Variants in RIPOR3 observed in about 807,000 individuals in gnomAD.
RIPOR3 encodes the protein family with sequence similarity 65 member C.
RIPOR3 carries 95 observed loss-of-function variants against 114.3 expected under a neutral mutation model. That is an observed-to-expected ratio of 0.83 (90% CI 0.70 to 0.99). The LOEUF (loss-of-function observed/expected upper bound fraction) is 0.99, where lower values mean the gene tolerates loss of function less well. Among genes scored for constraint, RIPOR3 ranks in the 50% least tolerant of loss-of-function variants. The pLI, the probability that RIPOR3 is intolerant of heterozygous loss-of-function variation, is 0.00. For missense variants in RIPOR3, 1,252 were observed against 1,266.9 expected (o/e 0.99, Z 0.18); for synonymous variants, 575 against 543.8 (o/e 1.06, Z -0.80).
intron 1 of RIPOR3, among the ~76,000 whole-genome samples, chr20:50,659,369 G>A (rs564510198): frequency 2.8e-4 from 42 of 152,122 alleles, no homozygotes; most frequent in African/African-American, 7.0e-4. Context: ...AACCAGGGCC[G>A]GGTGCGGTGG....
At chr20:50,618,976 C>T (rs995494783) in intron 3 of RIPOR3, among the ~76,000 whole-genome samples, 2 of 152,120 alleles carry the variant, frequency 1.3e-5, no homozygotes, top group African/African-American at 2.4e-5. Context: ...TCTGGGAGGC[C>T]GAGATGGACA....
chr20:50,604,812 C>T, intron 11 of RIPOR3, 38 bp from the exon 12 acceptor site: 1 of 1,597,600 alleles, frequency 6.3e-7, no homozygotes, highest in Middle Eastern at 1.7e-4. Context: ...GCCATCGGCA[C>T]CCAGAGGCCA....
chr20:50,589,120 G>C (rs1215355300), intron 20 of RIPOR3, among the ~76,000 whole-genome samples: 1 of 134,244 alleles, frequency 7.4e-6, no homozygotes, highest in Non-Finnish European at 1.6e-5. Context: ...AAAAGCTAAA[G>C]TGCTGCCAGT....
chr20:50,607,315 G>A (rs2426168), intron 11 of RIPOR3, among the ~76,000 whole-genome samples: 2,266 of 152,298 alleles, frequency 0.015, 37 homozygotes, highest in East Asian at 0.034. Context: ...GAATCCAGGC[G>A]AGCGCATGGG....
At chr20:50,670,331 C>T (rs1017265276) in intron 1 of RIPOR3, among the ~76,000 whole-genome samples, 1 of 152,024 alleles carries the variant, frequency 6.6e-6, no homozygotes, top group Non-Finnish European at 1.5e-5. Flanking sequence ...TCCCTCTCCT[C>T]CTGGGAAGTC....
intron 2 of RIPOR3, among the ~76,000 whole-genome samples, chr20:50,624,399 A>G (rs1314787444): frequency 3.3e-5 from 5 of 152,068 alleles, no homozygotes; most frequent in Non-Finnish European, 5.9e-5. Context: ...CCAGCCCCCA[A>G]CAGGTGTGCA....
At chr20:50,594,353 G>GC (rs1228500509) in intron 17 of RIPOR3, among the ~76,000 whole-genome samples, 200 bp downstream of exon 17, 1 of 151,858 alleles carries the variant, frequency 6.6e-6, no homozygotes, top group African/African-American at 2.4e-5. Flanking sequence ...TGCTCAGAAG[G>GC]CCCCACGTGG....
intron 1 of RIPOR3, among the ~76,000 whole-genome samples, chr20:50,686,577 C>T (rs894229898): frequency 6.6e-6 from 1 of 151,588 alleles, no homozygotes. Flanking sequence ...GGTGAAACCC[C>T]ATCTCTACTA....
intron 11 of RIPOR3, among the ~76,000 whole-genome samples, chr20:50,605,663 A>C (rs1195989522): frequency 1.3e-5 from 2 of 152,036 alleles, no homozygotes; most frequent in East Asian, 3.9e-4. Context: ...TTGTAGTCCC[A>C]GCTACTCAGG....
intron 1 of RIPOR3, among the ~76,000 whole-genome samples, chr20:50,652,768 G>T (rs1373118088): frequency 6.6e-6 from 1 of 152,250 alleles, no homozygotes; most frequent in Non-Finnish European, 1.5e-5. Flanking sequence ...GAGGGCGGTC[G>T]TCATCCAAAA....
At chr20:50,621,152 T>A (rs566682042) in intron 2 of RIPOR3, 3 of 354,796 alleles carry the variant, frequency 8.5e-6, no homozygotes, top group South Asian at 4.7e-5. Context: ...AATAAAAATC[T>A]GGTATCAGAA....
chr20:50,668,659 C>T (rs2086343214), intron 1 of RIPOR3, among the ~76,000 whole-genome samples: 1 of 152,146 alleles, frequency 6.6e-6, no homozygotes, highest in African/African-American at 2.4e-5. Context: ...GAGTTCAAGG[C>T]CAGACTGGCC....
chr20:50,613,813 T>C (rs1246236096), intron 4 of RIPOR3, among the ~76,000 whole-genome samples: 1 of 152,158 alleles, frequency 6.6e-6, no homozygotes, highest in Non-Finnish European at 1.5e-5. Flanking sequence ...AGCTGGGTGA[T>C]ATCTTGGCAG....
chr20:50,682,114 C>CA (rs1470310984), intron 1 of RIPOR3, among the ~76,000 whole-genome samples: 1 of 152,096 alleles, frequency 6.6e-6, no homozygotes, highest in Non-Finnish European at 1.5e-5. Context: ...TGTATGTGTG[C>CA]AATAGGACAG....
chr20:50,676,143 C>CA (rs1224643333), intron 1 of RIPOR3, among the ~76,000 whole-genome samples: 1 of 152,170 alleles, frequency 6.6e-6, no homozygotes, highest in Non-Finnish European at 1.5e-5. Flanking sequence ...TCCCAAGACA[C>CA]AAAAATGTCA....
chr20:50,608,763 G>A (rs767314601), intron 9 of RIPOR3, 25 bp from the exon 10 acceptor site: 64 of 1,613,240 alleles, frequency 4.0e-5, no homozygotes, highest in Non-Finnish European at 4.7e-5. Flanking sequence ...GAGAGGGGCC[G>A]CGTCAGCCCA....
intron 2 of RIPOR3, among the ~76,000 whole-genome samples, chr20:50,621,481 C>T (rs2084401805): frequency 6.6e-6 from 1 of 152,228 alleles, no homozygotes; most frequent in Admixed American, 6.5e-5. Flanking sequence ...GGCAAATCCA[C>T]ATTCCAGGCC....
At chr20:50,652,520 G>A (rs1301484744) in intron 1 of RIPOR3, among the ~76,000 whole-genome samples, 2 of 149,028 alleles carry the variant, frequency 1.3e-5, no homozygotes, top group Non-Finnish European at 3.0e-5. Context: ...GAGCCTGGGA[G>A]GTGGAGGTTG....
intron 7 of RIPOR3, 97 bp downstream of exon 7, chr20:50,609,476 A>C (rs1600553455): frequency 1.4e-6 from 2 of 1,454,788 alleles, no homozygotes; most frequent in East Asian, 2.5e-5. Flanking sequence ...GGCCCAGAAC[A>C]CCTCCTCCAG....
Sources: allele counts gnomAD v4.1 joint callset (sites outside exome capture counted in the v4.1 genomes callset), GRCh38; gene constraint gnomAD v4.1.1; transcripts MANE v1.5; gene names NCBI Gene and HGNC (gene_info 2026-07-23, HGNC 2026-07-21).